Variants in TTC12 observed in about 807,000 individuals in gnomAD.
The protein encoded by TTC12 is tetratricopeptide repeat protein 12.
In TTC12, 70 loss-of-function variants were observed where a neutral mutation model predicts 90.1. The ratio of observed to expected loss-of-function variants is 0.78; its 90% CI spans 0.64 to 0.95. TTC12 has a LOEUF of 0.95. Among genes scored for constraint, TTC12 ranks in the 40% least tolerant of loss-of-function variants. The pLI, the probability that TTC12 is intolerant of heterozygous loss-of-function variation, is 0.00. For synonymous variants in TTC12, 296 were observed against 311.5 expected, an observed-to-expected ratio of 0.95 and a Z score of 0.53; for missense variants, 819 against 846.1, an observed-to-expected ratio of 0.97 and a Z score of 0.40.
intron 16 of TTC12, among the ~76,000 whole-genome samples, chr11:113,352,598 T>C (rs1949370753): frequency 6.6e-6 from 1 of 152,078 alleles, no homozygotes; most frequent in African/African-American, 2.4e-5. Context: ...TTCCTCATCC[T>C]CTCCCCCTTC....
At position 113,351,221 on chromosome 11, in the gene TTC12, C is replaced by G; in HGVS notation, c.1248-18C>G. On this transcript the variant is annotated intron_variant, in intron 14 of 21. Transcript: ENST00000529221. ...TATGCAATGTAAAAATAAATCCTGG[C>G]TGATGGTTTCTCAACAGATTCCAAG... The G allele has an allele frequency of 6.2e-7, 1 of 1,612,466 alleles. No individual in the cohort carries two copies. The highest frequency in any genetic ancestry group is 2.2e-5 in the East Asian group (1 of 44,840).
intron 21 of TTC12, chr11:113,365,400 A>T: frequency 4.2e-6 from 1 of 235,370 alleles, no homozygotes; most frequent in Non-Finnish European, 8.5e-6. Context: ...CTCCCACTCC[A>T]CCTCCCCTTC....
chr11:113,363,108 G>T (rs1043452335), intron 19 of TTC12, among the ~76,000 whole-genome samples: 1 of 152,230 alleles, frequency 6.6e-6, no homozygotes, highest in African/African-American at 2.4e-5. Flanking sequence ...CCATGTTAGT[G>T]TGGTGACACA....
intron 14 of TTC12, among the ~76,000 whole-genome samples, chr11:113,350,747 C>T (rs1277595060): frequency 6.6e-6 from 1 of 152,128 alleles, no homozygotes; most frequent in African/African-American, 2.4e-5. Flanking sequence ...TTTTAGGACA[C>T]CTTGCTTAGA....
chr11:113,319,781 CAG>C lies in TTC12; in HGVS notation c.58+3467_58+3468del, dbSNP rs781790591. On this transcript the variant is annotated intron_variant, in intron 2 of 21. Coordinates refer to ENST00000529221, the MANE Select transcript of TTC12 (RefSeq NM_017868.4). ...AGGTTTTCGTGCTGGAAAGGACAAT[CAG>C]GGGAAAGGAATGAAGAGCCTGGAGA... Among the ~76,000 whole-genome samples the C allele has an allele frequency of 3.4e-4, 52 of 151,902 alleles. 1 individual carries two copies. The highest frequency in any genetic ancestry group is 3.5e-3 in the Middle Eastern group (1 of 286).
chr11:113,322,149 A>C (rs1555138806), intron 2 of TTC12, among the ~76,000 whole-genome samples: 2 of 152,248 alleles, frequency 1.3e-5, no homozygotes, highest in Admixed American at 1.3e-4. Context: ...TACAATTAAA[A>C]ATTTATAATT....
intron 13 of TTC12, among the ~76,000 whole-genome samples, chr11:113,349,380 T>C (rs1949143638): frequency 1.3e-5 from 2 of 152,354 alleles, no homozygotes; most frequent in African/African-American, 4.8e-5. Context: ...GCAAGTTTGC[T>C]GGATGAACAA....
At chr11:113,370,121 C>T (rs370422773), downstream of TTC12, among the ~76,000 whole-genome samples, 4 of 152,184 alleles carry the variant, frequency 2.6e-5, no homozygotes, top group Non-Finnish European at 5.9e-5. Context: ...AGGGTAGCAG[C>T]GCTCCTTGTC....
chr11:113,328,721 AT>A (rs1386773689), intron 6 of TTC12, among the ~76,000 whole-genome samples: 1 of 152,162 alleles, frequency 6.6e-6, no homozygotes, highest in Non-Finnish European at 1.5e-5. Context: ...ATCACAATCA[AT>A]TTTTGAACAT....
chr11:113,355,422 CT>C (rs1949576493), intron 16 of TTC12, among the ~76,000 whole-genome samples: 1 of 151,920 alleles, frequency 6.6e-6, no homozygotes, highest in Non-Finnish European at 1.5e-5. Flanking sequence ...ATTTATTGAT[CT>C]TTTGAATAGG....
intron 2 of TTC12, among the ~76,000 whole-genome samples, chr11:113,322,782 T>C (rs1555139095): frequency 6.6e-6 from 1 of 152,010 alleles, no homozygotes; most frequent in Non-Finnish European, 1.5e-5. Context: ...GCAAGGGAGT[T>C]GAGTATATGG....
intron 20 of TTC12, 58 bp from the exon 21 acceptor site, chr11:113,364,777 C>G (rs1294353466): frequency 6.8e-7 from 1 of 1,464,980 alleles, no homozygotes. Context: ...TGTCCTGTTG[C>G]CAGCCTCCTA....
rs782788067 is a variant in TTC12, at chr11:113,338,759, G to C, written c.577-15G>C. ...TACCCCAACCACTCTTCAAGGTCTT[G>C]TTTCTTTTTTCCAGTCTAGAGAGTG... is the stretch of plus-strand genomic sequence containing the variant. On this transcript the variant is annotated splice_polypyrimidine_tract_variant and intron_variant, in intron 8 of 21. Transcript: ENST00000529221. 1.2e-6 allele frequency: 2 copies of C among 1,610,404 alleles called. No homozygotes were observed. Among genetic ancestry groups the C allele is most frequent in the Admixed American group, 1.7e-5 (1 of 59,896 alleles).
chr11:113,361,548 G>A (rs1949923515), intron 18 of TTC12, among the ~76,000 whole-genome samples: 1 of 151,792 alleles, frequency 6.6e-6, no homozygotes, highest in Non-Finnish European at 1.5e-5. Context: ...AGAAGTACAA[G>A]GCAGTGGAGC....
chr11:113,362,347 G>T, intron 18 of TTC12, 54 bp from the exon 19 acceptor site: 2 of 1,379,458 alleles, frequency 1.4e-6, no homozygotes, highest in East Asian at 2.3e-5. Flanking sequence ...GCTTTTAAAG[G>T]TTGTCAGCAT....
At chr11:113,335,364 T>G (rs1309552715) in intron 8 of TTC12, among the ~76,000 whole-genome samples, 3 of 152,212 alleles carry the variant, frequency 2.0e-5, no homozygotes, top group African/African-American at 7.2e-5. Context: ...AACCTGTCTA[T>G]CTACCTATTT....
chr11:113,347,858 T>G (rs1370843354), intron 13 of TTC12, among the ~76,000 whole-genome samples: 2 of 152,150 alleles, frequency 1.3e-5, no homozygotes, highest in Non-Finnish European at 2.9e-5. Context: ...GATGTCAAGG[T>G]CAAAGTCCCT....
At chr11:113,315,423 G>A (rs137914735) in intron 1 of TTC12, among the ~76,000 whole-genome samples, 1 of 152,178 alleles carries the variant, frequency 6.6e-6, no homozygotes, top group Non-Finnish European at 1.5e-5. Context: ...GGCAGATTAC[G>A]TGTTAGAAGC....
In TTC12 at chr11:113,364,981, G is replaced by T. The variant is rs1217676012; in HGVS notation, c.1963G>T (p.Ala655Ser). ...TDLLQVLLKL[A>S]GSDTQKTAVQ... is the part of the protein sequence containing the mutation. ...CCTTTTGCAGGTCTTGTTAAAGCTTGCAGGCAGTGACACACAGAAGACGGC... is the reference window on the plus strand; with the variant it reads ...CCTTTTGCAGGTCTTGTTAAAGCTTTCAGGCAGTGACACACAGAAGACGGC... Residue 655 changes from alanine (A) to serine (S), a missense_variant, in exon 21 of 22, where the codon GCA becomes TCA. Ala to Ser is a moderately conservative substitution (Grantham distance 99, BLOSUM62 1). Transcript: ENST00000529221. 3 of 1,614,154 alleles carry T rather than the reference G, an allele frequency of 1.9e-6. No homozygotes were observed. The highest frequency in any genetic ancestry group is 1.1e-5 in the South Asian group (1 of 91,080).
Sources: gnomAD v4.1 joint callset for allele counts (sites outside exome capture counted in the v4.1 genomes callset) on GRCh38, gnomAD v4.1.1 for gene constraint, MANE v1.5 for transcripts, NCBI Gene and HGNC (gene_info 2026-07-23, HGNC 2026-07-21) for gene names.